SIPA1L2: variants seen among roughly 807,000 people sequenced by gnomAD.
SIPA1L2 encodes signal induced proliferation associated 1 like 2, also known as signal-induced proliferation-associated 1-like protein 2.
Under a neutral mutation model 163.9 loss-of-function variants are expected in SIPA1L2, and 56 were observed. The ratio of observed to expected loss-of-function variants is 0.34; its 90% CI spans 0.28 to 0.43. The LOEUF is 0.43. SIPA1L2 is among the 20% of genes least tolerant of loss of function. The probability of loss-of-function intolerance (pLI) is 1.00; values close to 1 mark genes in which losing one functional copy is unlikely to be tolerated. For synonymous variants in SIPA1L2, 877 were observed against 865.7 expected (o/e 1.01, Z -0.23); for missense variants, 1,974 against 2,193.5 (o/e 0.90, Z 2.00).
At chr1:232,497,397 G>A (rs1299957898) in intron 3 of SIPA1L2, among the ~76,000 whole-genome samples, 1 of 152,162 alleles carries the variant, frequency 6.6e-6, no homozygotes, top group African/African-American at 2.4e-5. Context: ...ATGGACCGGG[G>A]CCTTCTGCAC....
rs148013416 is a variant in SIPA1L2 at position 232,479,938 on chromosome 1, C to T, written c.1982-208G>A. 1.3e-3 allele frequency among the ~76,000 whole-genome samples: 195 copies of T among 152,272 alleles called. 2 individuals carry two copies. Among genetic ancestry groups the T allele is most frequent in the Admixed American group, 2.8e-3 (43 of 15,292 alleles). On this transcript the variant is annotated intron_variant, in intron 6 of 22. Coordinates refer to ENST00000674635, the MANE Select transcript of SIPA1L2 (RefSeq NM_020808.5). ...GTGGACTGAGAGGCTCCTTTCCTTC[C>T]CCACCGCTTTCTACTGCACCTTTAG...
intron 10 of SIPA1L2, among the ~76,000 whole-genome samples, chr1:232,451,456 C>T (rs776442261): frequency 2.6e-5 from 4 of 152,036 alleles, no homozygotes; most frequent in Admixed American, 6.6e-5. Flanking sequence ...GCAAATATTT[C>T]GATGAGTTAA....
At chr1:232,517,420 T>C (rs1287990595) in intron 2 of SIPA1L2, among the ~76,000 whole-genome samples, 2 of 152,058 alleles carry the variant, frequency 1.3e-5, no homozygotes, top group South Asian at 4.1e-4. Context: ...CAAACCGGCA[T>C]CTCCTCACAC....
At chr1:232,610,944 T>C (rs1283242949) in intron 1 of SIPA1L2, among the ~76,000 whole-genome samples, 3 of 152,210 alleles carry the variant, frequency 2.0e-5, no homozygotes, top group Non-Finnish European at 4.4e-5. Context: ...CTCTGACTGA[T>C]ATGGTTTGGC....
At position 232,439,217 on chromosome 1, in the gene SIPA1L2, C is replaced by T. The variant is rs576412635; in HGVS notation, c.3922G>A (p.Asp1308Asn). The T allele has an allele frequency of 2.2e-5, 36 of 1,613,824 alleles. No individual in the cohort carries two copies. The highest frequency in any genetic ancestry group is 2.7e-5 in the Non-Finnish European group (32 of 1,180,040). Residue 1308 changes from aspartate to asparagine, a missense_variant, in exon 15 of 23, where the codon GAC (aspartate) becomes AAC (asparagine). Transcript: ENST00000674635. The stretch of plus-strand genomic sequence containing the variant: ...ACAGAATATAACTTGGCTGGCTCGT[C>T]GTCAGGCCCAGAGACGTCGGCAGCA... Reference protein sequence around the residue: ...ADAADVSGPDDEPAKLYSVHG... With the variant: ...ADAADVSGPDNEPAKLYSVHG...
At chr1:232,593,850 A>C (rs1661094977) in intron 1 of SIPA1L2, among the ~76,000 whole-genome samples, 1 of 152,198 alleles carries the variant, frequency 6.6e-6, no homozygotes. Flanking sequence ...TACCGCCCTC[A>C]CCTAAGGGGC....
chr1:232,615,935 C>G (rs1446190904), intron 1 of SIPA1L2, among the ~76,000 whole-genome samples: 1 of 152,186 alleles, frequency 6.6e-6, no homozygotes, highest in South Asian at 2.1e-4. Context: ...AAATAGCTGA[C>G]GAATGAATAC....
intron 2 of SIPA1L2, among the ~76,000 whole-genome samples, chr1:232,562,752 C>T (rs1305964017): frequency 2.6e-5 from 4 of 152,136 alleles, no homozygotes; most frequent in East Asian, 1.9e-4. Flanking sequence ...CAAGGGGATC[C>T]CCTCAGCAAA....
chr1:232,587,374 C>T (rs1001982787), intron 1 of SIPA1L2, among the ~76,000 whole-genome samples: 7 of 152,194 alleles, frequency 4.6e-5, no homozygotes, highest in Admixed American at 1.3e-4. Context: ...AAGTTCATAA[C>T]GAGTCAAGTC....
intron 22 of SIPA1L2, among the ~76,000 whole-genome samples, chr1:232,401,141 G>A (rs1410982277): frequency 2.0e-5 from 3 of 151,820 alleles, no homozygotes; most frequent in Middle Eastern, 3.2e-3. Flanking sequence ...TTGATTTCCC[G>A]TCTAAACTTT....
intron 19 of SIPA1L2, among the ~76,000 whole-genome samples, chr1:232,415,166 A>C (rs1286099165): frequency 6.6e-6 from 1 of 152,228 alleles, no homozygotes; most frequent in African/African-American, 2.4e-5. Flanking sequence ...GCTATGAGGA[A>C]AGACGCAAGG....
At chr1:232,482,988 T>A (rs2102976737) in intron 6 of SIPA1L2, among the ~76,000 whole-genome samples, 1 of 152,338 alleles carries the variant, frequency 6.6e-6, no homozygotes, top group South Asian at 2.1e-4. Context: ...AAGCAGAATT[T>A]TCCAATATGC....
chr1:232,582,833 T>A (rs1660454880), intron 1 of SIPA1L2, among the ~76,000 whole-genome samples: 1 of 150,948 alleles, frequency 6.6e-6, no homozygotes, highest in South Asian at 2.1e-4. Flanking sequence ...GAATAAATAA[T>A]TAAGTTATTG....
At chr1:232,538,462 T>C (rs140910837) in intron 2 of SIPA1L2, among the ~76,000 whole-genome samples, 57 of 152,274 alleles carry the variant, frequency 3.7e-4, no homozygotes, top group Admixed American at 2.2e-3. Flanking sequence ...AAAGCATCGT[T>C]CCACATGAAG....
At chr1:232,458,765 T>C (rs755953307) in intron 10 of SIPA1L2, among the ~76,000 whole-genome samples, 2 of 152,216 alleles carry the variant, frequency 1.3e-5, no homozygotes, top group Non-Finnish European at 2.9e-5. Context: ...AAATGTACTA[T>C]AAAAGAATTT....
chr1:232,456,512 A>T (rs1243637733), intron 10 of SIPA1L2, among the ~76,000 whole-genome samples: 2 of 152,246 alleles, frequency 1.3e-5, no homozygotes, highest in South Asian at 2.1e-4. Context: ...AAAAAAACAG[A>T]TGCACTGCAG....
intron 4 of SIPA1L2, 122 bp downstream of exon 4, chr1:232,493,405 A>G: frequency 7.9e-7 from 1 of 1,265,504 alleles, no homozygotes; most frequent in South Asian, 1.5e-5. Flanking sequence ...ATTATCTTAA[A>G]TGTTGCAATC....
chr1:232,624,271 A>G (rs919511564), intron 1 of SIPA1L2, among the ~76,000 whole-genome samples: 3 of 152,242 alleles, frequency 2.0e-5, no homozygotes, highest in Non-Finnish European at 4.4e-5. Flanking sequence ...TGAAACAGGT[A>G]GCATTTGCCC....
intron 5 of SIPA1L2, among the ~76,000 whole-genome samples, chr1:232,488,234 T>C (rs1357772302): frequency 6.6e-6 from 1 of 152,194 alleles, no homozygotes; most frequent in Non-Finnish European, 1.5e-5. Context: ...ATTACAGGCA[T>C]GAGCTACCGC....
Sources: gnomAD v4.1 joint callset for allele counts (sites outside exome capture counted in the v4.1 genomes callset) on GRCh38, gnomAD v4.1.1 for gene constraint, MANE v1.5 for transcripts, NCBI Gene and HGNC (gene_info 2026-07-23, HGNC 2026-07-21) for gene names.